Variants in ETF1 observed in about 807,000 individuals in gnomAD.
ETF1 encodes the protein eukaryotic translation termination factor 1, also known as eukaryotic peptide chain release factor subunit 1.
Under a neutral mutation model 55.1 loss-of-function variants are expected in ETF1, and 4 were observed. The observed-to-expected ratio is 0.07, with a 90% CI of 0.04 to 0.17. ETF1 has a LOEUF of 0.17. ETF1 is among the 10% of genes least tolerant of loss of function. ETF1 has a pLI of 1.00. For missense variants in ETF1, 142 were observed against 523.6 expected (o/e 0.27, Z 7.11); for synonymous variants, 157 against 182.3 (o/e 0.86, Z 1.12).
chr5:138,507,766 C>T lies in ETF1; in HGVS notation c.*539G>A, dbSNP rs568394515. 1.3e-5 allele frequency: 2 copies of T among 153,100 alleles called. No individual in the cohort carries two copies. The highest frequency in any genetic ancestry group is 3.9e-4 in the East Asian group (2 of 5,192). The allele number at this position is 153,100 out of a possible 1,614,324, so 9.5% of individuals were successfully genotyped here. ...ATTAGCTCACCCTTTCAACATTAAA[C>T]AGAGACCAAGAGAGAAATGGTTCCA... On this transcript the variant is annotated 3_prime_UTR_variant, in exon 11 of 11. Coordinates refer to ENST00000360541, the MANE Select transcript of ETF1 (RefSeq NM_004730.4).
At chr5:138,512,252 ATATATATTTTT>A (rs1396200078) in intron 6 of ETF1, among the ~76,000 whole-genome samples, 31 of 13,134 alleles carry the variant, frequency 2.4e-3, no homozygotes, top group African/African-American at 6.1e-3. Context: ...ATATATATAT[ATATATATTTTT>A]TTTTTTTTTT....
In ETF1 at chr5:138,542,911, T is replaced by C. The variant is rs1766247011; in HGVS notation, c.8A>G (p.Asp3Gly). 6.2e-7 allele frequency: 1 copy of C among 1,613,498 alleles called. No homozygotes were observed. The highest frequency in any genetic ancestry group is 8.5e-7 in the Non-Finnish European group (1 of 1,179,882). Reference protein sequence around the residue: MADDPSAADRNVE... With the variant: MAGDPSAADRNVE... ...GTTCCTGTCGGCAGCACTGGGGTCG[T>C]CCGCCATCTTCTCGCCTCCTCCTCC... is the stretch of plus-strand genomic sequence containing the variant. The change falls in exon 2 of 11, where the codon GAC becomes GGC. Residue 3 changes from aspartate to glycine, a missense_variant. This residue lies in a region of ETF1 where 13 missense variants were observed against 16.9 expected (regional missense o/e 0.77). Coordinates refer to ENST00000360541, the MANE Select transcript of ETF1 (RefSeq NM_004730.4).
At chr5:138,535,547 C>G (rs1765886642) in intron 2 of ETF1, among the ~76,000 whole-genome samples, 1 of 151,832 alleles carries the variant, frequency 6.6e-6, no homozygotes, top group South Asian at 2.1e-4. Flanking sequence ...TGGCAAAACT[C>G]TGTCTCTACT....
chr5:138,509,310 C>T, intron 9 of ETF1: 1 of 257,274 alleles, frequency 3.9e-6, no homozygotes, highest in Non-Finnish European at 6.1e-6. Context: ...GAAGCCACTG[C>T]AGTGGAAGAG....
At chr5:138,511,403 TACACACACACACACACAC>T in intron 7 of ETF1, 54 bp downstream of exon 7, 3 of 967,782 alleles carry the variant, frequency 3.1e-6, no homozygotes, top group East Asian at 4.8e-5. Context: ...CACACACACA[TACACACACACACACACAC>T]ACACACACAC....
At chr5:138,542,769 G>A (rs1766239899) in intron 2 of ETF1, 64 bp downstream of exon 2, 2 of 1,591,362 alleles carry the variant, frequency 1.3e-6, no homozygotes, top group Non-Finnish European at 1.7e-6. Context: ...TGCGGCGCGG[G>A]GGCGTCCATC....
At chr5:138,529,760 T>C (rs529496093) in intron 2 of ETF1, 1 of 971,004 alleles carries the variant, frequency 1.0e-6, no homozygotes, top group African/African-American at 1.8e-5. Flanking sequence ...AGTAGAAAGA[T>C]AATTTTTTTA....
intron 2 of ETF1, among the ~76,000 whole-genome samples, chr5:138,537,991 C>G (rs757000318): frequency 1.8e-4 from 25 of 136,060 alleles, no homozygotes; most frequent in Non-Finnish European, 3.5e-4. Flanking sequence ...CTCCCAGGTT[C>G]AAGCGATTCT....
At chr5:138,536,222 A>C (rs1202292131) in intron 2 of ETF1, among the ~76,000 whole-genome samples, 1 of 152,224 alleles carries the variant, frequency 6.6e-6, no homozygotes, top group African/African-American at 2.4e-5. Flanking sequence ...TTTTATTTTG[A>C]CTATGATCAT....
chr5:138,534,965 C>CTT (rs70982719), intron 2 of ETF1, among the ~76,000 whole-genome samples: 11 of 126,344 alleles, frequency 8.7e-5, no homozygotes, highest in African/African-American at 1.3e-4. Context: ...AAACTAGTTT[C>CTT]TTTTTTTTTT....
At position 138,524,579 on chromosome 5, in the gene ETF1, TTTTTTG is replaced by T. The variant is rs1442606250; in HGVS notation, c.87-5718_87-5713del. ...TAAAAAAAAAAAAAATTTCTTTCCG[TTTTTTG>T]TTTTTTTTTTTGAGACAGAGTCTTG... On this transcript the variant is annotated intron_variant, in intron 2 of 10. Transcript: ENST00000360541. Among the ~76,000 whole-genome samples the T allele has an allele frequency of 8.5e-4, 113 of 133,480 alleles. 2 individuals are homozygous for T. Among genetic ancestry groups the T allele is most frequent in the African/African-American group, 2.9e-3 (102 of 35,114 alleles). 87.6% of individuals were successfully genotyped at this position (133,480 alleles called of 152,430 possible).
At chr5:138,518,531 C>T (rs914055205) in intron 3 of ETF1, among the ~76,000 whole-genome samples, 161 bp downstream of exon 3, 6 of 151,890 alleles carry the variant, frequency 4.0e-5, no homozygotes, top group Non-Finnish European at 7.4e-5. Context: ...TTTCAATAAA[C>T]AAAAAACAAA....
chr5:138,534,234 G>A (rs1161015812), intron 2 of ETF1, among the ~76,000 whole-genome samples: 2 of 152,164 alleles, frequency 1.3e-5, no homozygotes, highest in Admixed American at 1.3e-4. Flanking sequence ...GATTTACTCA[G>A]TCATCTAAAA....
intron 7 of ETF1, 116 bp downstream of exon 7, chr5:138,511,359 T>C (rs1764767327): frequency 6.6e-7 from 1 of 1,511,438 alleles, no homozygotes; most frequent in African/African-American, 1.4e-5. Flanking sequence ...ACATTTTTGG[T>C]ACCTTGTCTC....
intron 9 of ETF1, among the ~76,000 whole-genome samples, chr5:138,510,357 C>CAAAAAAAAAAAAA (rs57906231): frequency 6.2e-5 from 4 of 64,806 alleles, no homozygotes; most frequent in African/African-American, 2.4e-4. Context: ...GACCTTGTCT[C>CAAAAAAAAAAAAA]AAAAAAAAAA....
chr5:138,512,250 ATATATATATTTTTTTTT>A (rs1250451780), intron 6 of ETF1, among the ~76,000 whole-genome samples: 247 of 11,818 alleles, frequency 0.021, 16 homozygotes, highest in Middle Eastern at 0.062. Context: ...ATATATATAT[ATATATATATTTTTTTTT>A]TTTTTTAAAG....
intron 2 of ETF1, among the ~76,000 whole-genome samples, chr5:138,528,441 C>T (rs999889442): frequency 3.3e-5 from 5 of 152,212 alleles, no homozygotes; most frequent in Non-Finnish European, 5.9e-5. Flanking sequence ...AGTTGGGCAA[C>T]CTTACATTCC....
At chr5:138,523,848 T>C (rs1434546159) in intron 2 of ETF1, among the ~76,000 whole-genome samples, 1 of 151,940 alleles carries the variant, frequency 6.6e-6, no homozygotes, top group Non-Finnish European at 1.5e-5. Context: ...CAGAACTGCT[T>C]GCGCCTAGGA....
At position 138,513,680 on chromosome 5, in the gene ETF1, A is replaced by G. The variant is rs759313013; in HGVS notation, c.429T>C (p.Asp143=). ...CTATTACAATGAATCCAAACTTGCT[A>G]TCATCTGAAAGTAGTGCTGTAAGAG... ...TEALTALLSD[D]SKFGFIVIDG... The change falls in exon 5 of 11, where the codon GAT becomes GAC. Residue 143 remains aspartate, a synonymous_variant. Coordinates refer to ENST00000360541, the MANE Select transcript of ETF1 (RefSeq NM_004730.4). 43 of 1,605,080 alleles carry G rather than the reference A, an allele frequency of 2.7e-5. No individual in the cohort carries two copies. Among genetic ancestry groups the G allele is most frequent in the Middle Eastern group, 3.3e-4 (2 of 6,052 alleles).
Sources: gnomAD v4.1 joint callset for allele counts (sites outside exome capture counted in the v4.1 genomes callset) on GRCh38, gnomAD v4.1.1 for gene constraint, gnomAD v4.1.1 regional missense constraint, MANE v1.5 for transcripts, NCBI Gene and HGNC (gene_info 2026-07-23, HGNC 2026-07-21) for gene names.